The following SFMBT1 variants were observed in gnomAD, a reference collection of about 807,000 sequenced individuals.
SFMBT1 encodes the protein Scm like with four mbt domains 1.
Under a neutral mutation model 108.7 loss-of-function variants are expected in SFMBT1, and 32 were observed. The observed-to-expected ratio is 0.29, with a 90% confidence interval of 0.22 to 0.40. SFMBT1 has a LOEUF of 0.40. Among genes scored for constraint, SFMBT1 ranks in the 10% least tolerant of loss-of-function variants. The probability of loss-of-function intolerance (pLI) is 1.00; values close to 1 mark genes in which losing one functional copy is unlikely to be tolerated. For synonymous variants in SFMBT1, 348 were observed against 369.5 expected (o/e 0.94, Z 0.67); for missense variants, 816 against 1,059.6 (o/e 0.77, Z 3.19).
chr3:52,926,284 T>G (rs574802948), intron 9 of SFMBT1, among the ~76,000 whole-genome samples, 171 bp from the exon 10 acceptor site: 1 of 152,240 alleles, frequency 6.6e-6, no homozygotes, highest in Admixed American at 6.5e-5. Flanking sequence ...GTTAATTTTA[T>G]AAAATAGAGC....
intron 3 of SFMBT1, among the ~76,000 whole-genome samples, chr3:52,946,046 T>G (rs1228524146): frequency 6.6e-6 from 1 of 152,184 alleles, no homozygotes; most frequent in Non-Finnish European, 1.5e-5. Context: ...TTCATACAAG[T>G]TAACTGCAAT....
At chr3:52,972,272 C>G (rs971849767) in intron 1 of SFMBT1, among the ~76,000 whole-genome samples, 2 of 152,180 alleles carry the variant, frequency 1.3e-5, no homozygotes, top group Non-Finnish European at 2.9e-5. Context: ...GCAAGTCTTA[C>G]GTAGCAGAAA....
chr3:52,964,911 G>C (rs1023834936), intron 2 of SFMBT1, among the ~76,000 whole-genome samples: 1 of 152,120 alleles, frequency 6.6e-6, no homozygotes, highest in African/African-American at 2.4e-5. Context: ...AAATACATGA[G>C]TTAATAATAT....
At position 52,972,744 on chromosome 3, in the gene SFMBT1, AACACACAC is replaced by A. The variant is rs55859723; in HGVS notation, c.-130-3494_-130-3487del. Reference sequence around the variant, plus strand: ...ACGTGGTAAAACCCCATCTCTACTAAACACACACACACACACACACACACACACACACA... The same window carrying A: ...ACGTGGTAAAACCCCATCTCTACTAAACACACACACACACACACACACACA... On this transcript the variant is annotated intron_variant, in intron 1 of 20. Coordinates refer to ENST00000394752, the MANE Select transcript of SFMBT1 (RefSeq NM_016329.4). Among the ~76,000 whole-genome samples, 534 of 95,132 alleles carry A rather than the reference AACACACAC, an allele frequency of 5.6e-3. 8 individuals are homozygous for A. Among genetic ancestry groups the A allele is most frequent in the African/African-American group, 0.02 (462 of 22,848 alleles). The allele number at this position is 95,132 out of a possible 152,430, so 62.4% of individuals were successfully genotyped here. A position where few individuals can be genotyped will look rare whatever the true frequency, so the allele number is the denominator to read the frequency against.
intron 17 of SFMBT1, among the ~76,000 whole-genome samples, chr3:52,908,728 G>A (rs563048039): frequency 2.6e-5 from 4 of 152,064 alleles, no homozygotes; most frequent in Admixed American, 2.0e-4. Flanking sequence ...GCCACCACAC[G>A]CCCAGCTAAT....
chr3:53,031,405 G>A (rs964195815), intron 1 of SFMBT1, among the ~76,000 whole-genome samples: 1 of 152,040 alleles, frequency 6.6e-6, no homozygotes, highest in African/African-American at 2.4e-5. Flanking sequence ...TGCATTTGTC[G>A]AGAATCCAAA....
chr3:52,930,176 C>G (rs1702812331), intron 8 of SFMBT1, among the ~76,000 whole-genome samples, 153 bp downstream of exon 8: 2 of 152,222 alleles, frequency 1.3e-5, no homozygotes, highest in African/African-American at 4.8e-5. Flanking sequence ...GCAAACTGGA[C>G]AAATACAAAA....
intron 1 of SFMBT1, among the ~76,000 whole-genome samples, chr3:52,991,342 C>CTTTTTTTTT (rs71087045): frequency 0.024 from 2,144 of 90,746 alleles, 91 homozygotes; most frequent in Non-Finnish European, 0.033. Context: ...GCTGAAACTT[C>CTTTTTTTTT]TTTTTTTTTT....
chr3:52,949,703 C>T (rs1197534313), intron 3 of SFMBT1, among the ~76,000 whole-genome samples: 1 of 150,838 alleles, frequency 6.6e-6, no homozygotes, highest in Non-Finnish European at 1.5e-5. Flanking sequence ...CTGAGCCTTC[C>T]TGAGTAGCTG....
At chr3:52,990,799 C>T (rs530113501) in intron 1 of SFMBT1, among the ~76,000 whole-genome samples, 9 of 152,080 alleles carry the variant, frequency 5.9e-5, no homozygotes, top group Admixed American at 4.6e-4. Flanking sequence ...TCAGATATTA[C>T]GCATAAAACA....
intron 3 of SFMBT1, among the ~76,000 whole-genome samples, chr3:52,948,255 A>G (rs1703442424): frequency 1.2e-5 from 1 of 81,620 alleles, no homozygotes; most frequent in African/African-American, 3.3e-5. Flanking sequence ...CAACTTTGTA[A>G]TAATCAAGTG....
chr3:52,942,896 G>A (rs563312941), intron 4 of SFMBT1, among the ~76,000 whole-genome samples: 12 of 152,080 alleles, frequency 7.9e-5, no homozygotes, highest in African/African-American at 2.2e-4. Flanking sequence ...TGCCTTTATT[G>A]TCTCTCTTCT....
At chr3:52,914,758 C>T (rs1702304023) in intron 14 of SFMBT1, among the ~76,000 whole-genome samples, 1 of 151,948 alleles carries the variant, frequency 6.6e-6, no homozygotes, top group Non-Finnish European at 1.5e-5. Context: ...CAAAACAAAA[C>T]AAAAAAACGA....
chr3:52,982,499 C>A, intron 1 of SFMBT1, among the ~76,000 whole-genome samples: 1 of 152,088 alleles, frequency 6.6e-6, no homozygotes, highest in East Asian at 1.9e-4. Context: ...GAGGCTGAGG[C>A]GGGCGGATCA....
Position 52,906,141 on chromosome 3 carries a change from GCA to G in SFMBT1, c.2430_2431del (p.Ala811SerfsTer12), listed in dbSNP as rs1702059345. ...GTCTAGGAATATTCTTGCTAATGGA[GCA>G]CAGTCAGTGGATCTGATGAACCGCA... On this transcript the variant is annotated frameshift_variant, in exon 20 of 21. Coordinates refer to ENST00000394752, the MANE Select transcript of SFMBT1 (RefSeq NM_016329.4). LOFTEE classifies it high-confidence loss of function. 1 of 1,614,100 alleles carries G rather than the reference GCA, an allele frequency of 6.2e-7. No homozygotes were observed. The highest frequency in any genetic ancestry group is 8.5e-7 in the Non-Finnish European group (1 of 1,179,980).
chr3:52,988,650 T>C (rs1281912865), intron 1 of SFMBT1, among the ~76,000 whole-genome samples: 1 of 152,224 alleles, frequency 6.6e-6, no homozygotes, highest in Admixed American at 6.5e-5. Flanking sequence ...GCTTTTAAAG[T>C]AAGTGCTTCC....
chr3:53,044,393 C>G (rs537525630), intron 1 of SFMBT1, among the ~76,000 whole-genome samples: 1 of 152,312 alleles, frequency 6.6e-6, no homozygotes, highest in South Asian at 2.1e-4. Flanking sequence ...TAGTCAATGA[C>G]AACGGTAATA....
Position 53,003,428 on chromosome 3 carries a change from C to A in SFMBT1, c.-130-34170G>T, listed in dbSNP as rs1011451732. Among the ~76,000 whole-genome samples the A allele has an allele frequency of 5.3e-5, 8 of 149,782 alleles. 1 individual carries two copies. The highest frequency in any genetic ancestry group is 1.9e-4 in the African/African-American group (8 of 41,170). The stretch of plus-strand genomic sequence containing the variant: ...ACTTGAGATTTGCTATAAAACAGTG[C>A]AATGAGGGACGCAAAATTGTGAACG... On this transcript the variant is annotated intron_variant, in intron 1 of 20. Transcript: ENST00000394752.
chr3:52,945,141 A>AAAAAAAAAAAAAAAAAAAAAAAC (rs1703320224), intron 3 of SFMBT1, among the ~76,000 whole-genome samples: 4 of 146,886 alleles, frequency 2.7e-5, no homozygotes, highest in African/African-American at 5.0e-5. Flanking sequence ...CCAATTAAAA[A>AAAAAAAAAAAAAAAAAAAAAAAC]AAAAAAAAAA....
Sources: allele counts gnomAD v4.1 joint callset (sites outside exome capture counted in the v4.1 genomes callset), GRCh38; gene constraint gnomAD v4.1.1; transcripts MANE v1.5; gene names NCBI Gene and HGNC (gene_info 2026-07-23, HGNC 2026-07-21).